The following RANBP17 variants were observed in gnomAD, a reference collection of about 807,000 sequenced individuals.
RANBP17 encodes RAN binding protein 17, also known as ran-binding protein 17.
In RANBP17, 158 loss-of-function variants were observed where a neutral mutation model predicts 141.2. The ratio of observed to expected loss-of-function variants is 1.12; its 90% CI spans 0.98 to 1.28. RANBP17 has a LOEUF of 1.28. RANBP17 is among the 50% of genes most tolerant of loss of function. The probability of loss-of-function intolerance (pLI) is 0.00; values close to 1 mark genes in which losing one functional copy is unlikely to be tolerated. For missense variants in RANBP17, 1,438 were observed against 1,290.7 expected, an observed-to-expected ratio of 1.11 and a Z score of -1.75; for synonymous variants, 430 against 450.0, an observed-to-expected ratio of 0.96 and a Z score of 0.56.
intron 14 of RANBP17, among the ~76,000 whole-genome samples, chr5:171,116,457 T>C (rs141075658): frequency 2.1e-4 from 32 of 152,320 alleles, no homozygotes; most frequent in African/African-American, 6.7e-4. Flanking sequence ...ACTGGTGTAA[T>C]GGCCAGAGTC....
At chr5:170,948,593 G>A (rs1206703927) in intron 12 of RANBP17, among the ~76,000 whole-genome samples, 8 of 152,128 alleles carry the variant, frequency 5.3e-5, no homozygotes, top group African/African-American at 1.4e-4. Flanking sequence ...TCTCATCGTC[G>A]TGGATCAGAA....
At chr5:170,874,648 C>T (rs1768024120) in intron 1 of RANBP17, among the ~76,000 whole-genome samples, 1 of 94,184 alleles carries the variant, frequency 1.1e-5, no homozygotes, top group Non-Finnish European at 2.3e-5. Flanking sequence ...GGATTTTAAC[C>T]CCTGCTTTTT....
intron 27 of RANBP17, 130 bp downstream of exon 27, chr5:171,296,144 C>A: frequency 2.3e-6 from 2 of 863,864 alleles, no homozygotes; most frequent in Non-Finnish European, 3.5e-6. Context: ...ATCCTAGACT[C>A]AGTTCCATTC....
In RANBP17 at chr5:171,039,794, T is replaced by G. The variant is rs139056652; in HGVS notation, c.1710+71417T>G. The stretch of plus-strand genomic sequence containing the variant: ...AATCTAGAGGAAATGGACTAATTCC[T>G]GGAAACAAAACCTTCCAAGTTTGAA... On this transcript the variant is annotated intron_variant, in intron 14 of 27. Transcript: ENST00000523189. 2.5e-3 allele frequency among the ~76,000 whole-genome samples: 387 copies of G among 152,272 alleles called. 2 individuals carry two copies. The highest frequency in any genetic ancestry group is 8.7e-3 in the African/African-American group (360 of 41,554).
intron 14 of RANBP17, among the ~76,000 whole-genome samples, chr5:171,161,120 A>G (rs1207610050): frequency 6.6e-6 from 1 of 152,104 alleles, no homozygotes; most frequent in Non-Finnish European, 1.5e-5. Flanking sequence ...TCTGTCAAAT[A>G]TTATTTATGA....
At chr5:170,961,952 G>A (rs902820492) in intron 13 of RANBP17, among the ~76,000 whole-genome samples, 1 of 152,136 alleles carries the variant, frequency 6.6e-6, no homozygotes, top group African/African-American at 2.4e-5. Flanking sequence ...TTTGCAGCTA[G>A]GTATGGCAAA....
intron 14 of RANBP17, among the ~76,000 whole-genome samples, chr5:171,064,893 A>T (rs1002987156): frequency 3.3e-5 from 5 of 152,014 alleles, no homozygotes; most frequent in Admixed American, 3.3e-4. Flanking sequence ...TCCTTGATTT[A>T]TTAAGAATGT....
chr5:171,173,661 C>G (rs549847799), intron 16 of RANBP17, among the ~76,000 whole-genome samples: 70 of 152,134 alleles, frequency 4.6e-4, no homozygotes, highest in African/African-American at 1.6e-3. Flanking sequence ...TATTAAAAAG[C>G]CTTTGGTTGC....
At chr5:171,172,682 T>C (rs1423763808) in intron 16 of RANBP17, among the ~76,000 whole-genome samples, 2 of 151,882 alleles carry the variant, frequency 1.3e-5, no homozygotes, top group Non-Finnish European at 2.9e-5. Flanking sequence ...GCCTCAGTTA[T>C]TTTATAGCAT....
At chr5:171,121,815 C>T (rs1756056625) in intron 14 of RANBP17, among the ~76,000 whole-genome samples, 1 of 152,122 alleles carries the variant, frequency 6.6e-6, no homozygotes, top group Non-Finnish European at 1.5e-5. Flanking sequence ...AATAGTTACT[C>T]ACCCCCACCA....
intron 25 of RANBP17, among the ~76,000 whole-genome samples, chr5:171,269,430 C>T (rs977059282): frequency 3.3e-5 from 5 of 152,214 alleles, no homozygotes; most frequent in African/African-American, 7.2e-5. Context: ...AGAGTAAAAG[C>T]GGCAGGCAGG....
intron 25 of RANBP17, chr5:171,271,175 TACTTC>T (rs1237991286): frequency 7.1e-6 from 1 of 141,346 alleles, no homozygotes; most frequent in East Asian, 1.8e-4. Flanking sequence ...ATAAAAATCA[TACTTC>T]AGTAGGGACT....
intron 1 of RANBP17, among the ~76,000 whole-genome samples, chr5:170,871,196 C>T (rs1408755174): frequency 1.3e-5 from 2 of 151,952 alleles, no homozygotes; most frequent in Admixed American, 1.3e-4. Context: ...TTACAGGCGC[C>T]TGCCACCATG....
rs1581740165 is a variant in RANBP17, at chr5:171,149,856, C to T, written c.1711-20274C>T. ...AGAGAAACCTCAAAGAAGAGGAAATCCTATTTTAAAATAACAGCGATCTCC... is the reference window on the plus strand; with the variant it reads ...AGAGAAACCTCAAAGAAGAGGAAATTCTATTTTAAAATAACAGCGATCTCC... On this transcript the variant is annotated intron_variant, in intron 14 of 27. Coordinates refer to ENST00000523189, the MANE Select transcript of RANBP17 (RefSeq NM_022897.5). Among the ~76,000 whole-genome samples, 8 of 152,284 alleles carry T rather than the reference C, an allele frequency of 5.3e-5. No homozygotes were observed. The South Asian group carries it at 1.7e-3, about 32-fold the overall frequency.
At chr5:171,171,833 C>A (rs1445798) in intron 16 of RANBP17, among the ~76,000 whole-genome samples, 1 of 151,874 alleles carries the variant, frequency 6.6e-6, no homozygotes, top group Admixed American at 6.6e-5. Flanking sequence ...ACCAAATCAA[C>A]ATCTAATCTA....
chr5:171,021,002 A>G (rs184516014), intron 14 of RANBP17, among the ~76,000 whole-genome samples: 34 of 152,216 alleles, frequency 2.2e-4, no homozygotes, highest in Middle Eastern at 6.8e-3. Flanking sequence ...TGCTTGTCTG[A>G]AATGGATTTT....
At chr5:171,064,133 G>A (rs964672240) in intron 14 of RANBP17, among the ~76,000 whole-genome samples, 1 of 152,222 alleles carries the variant, frequency 6.6e-6, no homozygotes, top group Non-Finnish European at 1.5e-5. Flanking sequence ...GCAATGCCTC[G>A]CCCTGCTTCG....
intron 14 of RANBP17, chr5:171,028,903 G>A (rs1781386321): frequency 1.6e-6 from 2 of 1,288,544 alleles, no homozygotes; most frequent in Non-Finnish European, 2.0e-6. Flanking sequence ...AGGGCTTGTG[G>A]CAAACCTATC....
chr5:170,956,801 G>A (rs144556794), intron 13 of RANBP17, among the ~76,000 whole-genome samples: 4,061 of 151,524 alleles, frequency 0.027, 174 homozygotes, highest in African/African-American at 0.09. Flanking sequence ...ACTGGGCGCA[G>A]TGGCTCATGC....
Sources: allele counts gnomAD v4.1 joint callset (sites outside exome capture counted in the v4.1 genomes callset), GRCh38; gene constraint gnomAD v4.1.1; transcripts MANE v1.5; gene names NCBI Gene and HGNC (gene_info 2026-07-23, HGNC 2026-07-21).